The following PI15 variants were observed in gnomAD, a reference collection of about 807,000 sequenced individuals.
PI15 encodes the protein 25 kDa trypsin inhibitor.
In PI15, 18 loss-of-function variants were observed where a neutral mutation model predicts 31.0. That is an observed-to-expected ratio of 0.58 (90% confidence interval 0.40 to 0.86). The LOEUF (loss-of-function observed/expected upper bound fraction) is 0.86, where lower values mean the gene tolerates loss of function less well. Among genes scored for constraint, PI15 ranks in the 40% least tolerant of loss-of-function variants. The pLI is 0.00. For missense variants in PI15, 282 were observed against 328.1 expected (o/e 0.86, Z 1.09); for synonymous variants, 118 against 119.1 (o/e 0.99, Z 0.06).
At chr8:74,829,303 T>G (rs946350276) in intron 2 of PI15, among the ~76,000 whole-genome samples, 3 of 152,148 alleles carry the variant, frequency 2.0e-5, no homozygotes, top group African/African-American at 7.2e-5. Context: ...AAAAAAACCA[T>G]ATAGATAGAA....
At position 74,845,254 on chromosome 8, in the gene PI15, TACGCAGG is replaced by T. The variant is rs1198314790; in HGVS notation, c.520_525+1del. Reference sequence around the variant, plus strand: ...GTTTTGGTCCCATGTGCACACATTATACGCAGGTTATTTCAATTACCTTGTTAATTTT... The same window carrying T: ...GTTTTGGTCCCATGTGCACACATTATTTATTTCAATTACCTTGTTAATTTT... On this transcript the variant is annotated splice_donor_variant and coding_sequence_variant, in exon 4 of 6. Coordinates refer to ENST00000260113, the MANE Select transcript of PI15 (RefSeq NM_015886.5). LOFTEE classifies it high-confidence loss of function. 1 of 1,613,654 alleles carries T rather than the reference TACGCAGG, an allele frequency of 6.2e-7. No individual in the cohort carries two copies. Among genetic ancestry groups the T allele is most frequent in the Admixed American group, 1.7e-5 (1 of 60,028 alleles).
intron 2 of PI15, among the ~76,000 whole-genome samples, chr8:74,827,416 C>G (rs1810715121): frequency 6.6e-6 from 1 of 152,128 alleles, no homozygotes; most frequent in Admixed American, 6.6e-5. Context: ...AGAATTAATT[C>G]ATTCCACATG....
At chr8:74,845,105 TTC>T in intron 3 of PI15, 21 bp from the exon 4 acceptor site, 1 of 1,603,172 alleles carries the variant, frequency 6.2e-7, no homozygotes, top group Non-Finnish European at 8.5e-7. Context: ...GCACTCTGAT[TTC>T]TTTCTTTTCT....
intron 2 of PI15, among the ~76,000 whole-genome samples, chr8:74,834,955 C>T (rs1563566474): frequency 2.0e-5 from 3 of 152,000 alleles, no homozygotes; most frequent in Non-Finnish European, 2.9e-5. Context: ...TAAATGCAGA[C>T]GATGTTGTTA....
intron 2 of PI15, among the ~76,000 whole-genome samples, chr8:74,830,879 G>A (rs986309317): frequency 6.6e-6 from 1 of 152,146 alleles, no homozygotes; most frequent in African/African-American, 2.4e-5. Flanking sequence ...TCTGCCAGAA[G>A]GCAGTGTACT....
intron 2 of PI15, among the ~76,000 whole-genome samples, chr8:74,830,963 A>T (rs150121544): frequency 2.0e-5 from 3 of 152,196 alleles, no homozygotes; most frequent in African/African-American, 7.2e-5. Flanking sequence ...CTGGATGTAA[A>T]ATCTTTTCAA....
chr8:74,824,948 G>T (rs574610962), intron 1 of PI15: 8 of 321,298 alleles, frequency 2.5e-5, no homozygotes, highest in Non-Finnish European at 4.6e-5. Flanking sequence ...TGGGGCAAAT[G>T]GTTCACATTC....
chr8:74,827,676 TGCTGCATTGAGGAAATGCCCCATG>T (rs1284001051), intron 2 of PI15, among the ~76,000 whole-genome samples: 1 of 152,202 alleles, frequency 6.6e-6, no homozygotes, highest in Non-Finnish European at 1.5e-5. Flanking sequence ...TCTTCTCATT[TGCTGCATTGAGGAAATGCCCCATG>T]GCAGGACCCC....
At chr8:74,827,788 T>C (rs1184956931) in intron 2 of PI15, among the ~76,000 whole-genome samples, 1 of 152,176 alleles carries the variant, frequency 6.6e-6, no homozygotes, top group Non-Finnish European at 1.5e-5. Flanking sequence ...CTATTTATTA[T>C]TCCATTCTTA....
intron 2 of PI15, among the ~76,000 whole-genome samples, chr8:74,830,614 A>G (rs959554787): frequency 2.6e-5 from 4 of 152,130 alleles, no homozygotes; most frequent in Non-Finnish European, 5.9e-5. Flanking sequence ...CATGTGGAAG[A>G]GAATGTGGAA....
At chr8:74,826,136 G>A (rs187535400) in intron 2 of PI15, 281 of 160,362 alleles carry the variant, frequency 1.8e-3, no homozygotes, top group Admixed American at 2.9e-3. Context: ...CCAACTTGCC[G>A]TGAACACATT....
At chr8:74,846,510 T>C (rs1006150500) in intron 5 of PI15, among the ~76,000 whole-genome samples, 8 of 152,192 alleles carry the variant, frequency 5.3e-5, no homozygotes, top group Non-Finnish European at 1.0e-4. Context: ...AGTACCCAAA[T>C]AGTCTAAGAG....
At chr8:74,846,080 C>T (rs1354724486) in intron 5 of PI15, 2 of 152,700 alleles carry the variant, frequency 1.3e-5, no homozygotes, top group African/African-American at 4.8e-5. Context: ...ATTACAATAA[C>T]TCTTTGGATG....
rs1404391388 is a variant in PI15, at chr8:74,851,954, T to C, written c.*2701T>C. ...TAACTCTATTTTTTAAAGTTAATAA[T>C]ATAAAGTGGCCATGTAAAATATTTT... On this transcript the variant is annotated 3_prime_UTR_variant, in exon 6 of 6. Transcript: ENST00000260113. 1 of 152,408 alleles carries C rather than the reference T, an allele frequency of 6.6e-6. No homozygotes were observed. Among genetic ancestry groups the C allele is most frequent in the African/African-American group, 2.4e-5 (1 of 41,438 alleles). The allele number at this position is 152,408 out of a possible 1,614,324, so 9.4% of individuals were successfully genotyped here.
At chr8:74,825,591 T>A in intron 2 of PI15, 69 bp downstream of exon 2, 2 of 1,290,106 alleles carry the variant, frequency 1.6e-6, no homozygotes, top group South Asian at 1.4e-5. Context: ...ATCTGCAGAA[T>A]CTCAAACGAC....
chr8:74,825,049 A>G, intron 1 of PI15, 161 bp from the exon 2 acceptor site: 1 of 636,250 alleles, frequency 1.6e-6, no homozygotes, highest in Non-Finnish European at 2.8e-6. Context: ...AAATGAATAG[A>G]GATTCTACTG....
intron 2 of PI15, among the ~76,000 whole-genome samples, chr8:74,843,363 C>T (rs1016032991): frequency 1.1e-4 from 17 of 152,160 alleles, no homozygotes; most frequent in African/African-American, 3.9e-4. Context: ...TATTGCATTA[C>T]AGAACTTTGA....
Position 74,853,985 on chromosome 8 carries a change from A to G in PI15, c.*4732A>G, listed in dbSNP as rs968323629. 1.3e-4 allele frequency: 20 copies of G among 152,040 alleles called. No homozygotes were observed. The highest frequency in any genetic ancestry group is 1.3e-3 in the Admixed American group (20 of 15,268). 9.4% of individuals were successfully genotyped at this position (152,040 alleles called of 1,614,324 possible). A position where few individuals can be genotyped will look rare whatever the true frequency, so the allele number is the denominator to read the frequency against. ...CATTTATTTTTATTTAGCACAGGTC[A>G]TAAGAAAAATATATAGAAAAATAAT... is the stretch of plus-strand genomic sequence containing the variant. On this transcript the variant is annotated 3_prime_UTR_variant, in exon 6 of 6. Coordinates refer to ENST00000260113, the MANE Select transcript of PI15 (RefSeq NM_015886.5).
chr8:74,831,905 A>G (rs752640635), intron 2 of PI15, among the ~76,000 whole-genome samples: 2 of 152,110 alleles, frequency 1.3e-5, no homozygotes, highest in African/African-American at 2.4e-5. Context: ...GGATTAGTGT[A>G]GAGAAGAAAG....
Sources: gnomAD v4.1 joint callset for allele counts (sites outside exome capture counted in the v4.1 genomes callset) on GRCh38, gnomAD v4.1.1 for gene constraint, MANE v1.5 for transcripts, NCBI Gene and HGNC (gene_info 2026-07-23, HGNC 2026-07-21) for gene names.